The following NELL2 variants were observed in gnomAD, a reference collection of about 807,000 sequenced individuals.
NELL2 encodes neural EGFL like 2, also known as protein kinase C-binding protein NELL2.
NELL2 carries 41 observed loss-of-function variants against 109.6 expected under a neutral mutation model. The ratio of observed to expected loss-of-function variants is 0.37; its 90% CI spans 0.29 to 0.49. NELL2 has a LOEUF of 0.49. NELL2 is among the 20% of genes least tolerant of loss of function. The pLI, the probability that NELL2 is intolerant of heterozygous loss-of-function variation, is 0.98. For synonymous variants in NELL2, 355 were observed against 344.7 expected, an observed-to-expected ratio of 1.03 and a Z score of -0.33; for missense variants, 900 against 1,008.3, an observed-to-expected ratio of 0.89 and a Z score of 1.45.
rs12579610 is a variant in NELL2, at chr12:44,661,860, C to T, written c.1444+3624G>A. On this transcript the variant is annotated intron_variant, in intron 13 of 19. Coordinates refer to ENST00000429094, the MANE Select transcript of NELL2 (RefSeq NM_001145108.2). ...TTCCCTTTTCCATTTCTTTCCTTCT[C>T]TTCCCTTCCATATTTTTCTCTTCTC... 2.6e-5 allele frequency among the ~76,000 whole-genome samples: 4 copies of T among 151,902 alleles called. No individual in the cohort carries two copies. In the East Asian group the frequency reaches 5.8e-4, roughly 22 times the overall value.
At chr12:44,792,998 A>G (rs1395325875) in intron 3 of NELL2, among the ~76,000 whole-genome samples, 1 of 152,198 alleles carries the variant, frequency 6.6e-6, no homozygotes, top group African/African-American at 2.4e-5. Flanking sequence ...AGAAAATGTA[A>G]TACATCCATA....
intron 9 of NELL2, among the ~76,000 whole-genome samples, chr12:44,754,814 A>G (rs561906178): frequency 9.2e-5 from 14 of 152,330 alleles, no homozygotes; most frequent in African/African-American, 3.1e-4. Context: ...AAGTAAACAA[A>G]TCTATTCTCT....
intron 15 of NELL2, among the ~76,000 whole-genome samples, chr12:44,548,092 A>T (rs1308103734): frequency 1.3e-5 from 2 of 152,160 alleles, no homozygotes; most frequent in Admixed American, 6.5e-5. Flanking sequence ...CTTCTAGAAC[A>T]CAGCCTGGTA....
At chr12:44,748,290 C>T (rs1030104718) in intron 9 of NELL2, among the ~76,000 whole-genome samples, 13 of 152,056 alleles carry the variant, frequency 8.5e-5, no homozygotes, top group African/African-American at 3.1e-4. Flanking sequence ...ATGTACTCAA[C>T]AACAACAACA....
intron 13 of NELL2, among the ~76,000 whole-genome samples, chr12:44,611,426 G>A (rs563939812): frequency 1.3e-5 from 2 of 152,134 alleles, no homozygotes; most frequent in East Asian, 1.9e-4. Context: ...GGTGCCTGCC[G>A]TTAACACCTG....
intron 9 of NELL2, among the ~76,000 whole-genome samples, chr12:44,720,282 ACT>A (rs530461868): frequency 5.5e-4 from 83 of 152,236 alleles, no homozygotes; most frequent in Non-Finnish European, 8.4e-4. Context: ...TGCATAATAT[ACT>A]CTCAAGGTTT....
At position 44,741,129 on chromosome 12, in the gene NELL2, A is replaced by G. The variant is rs891205403; in HGVS notation, c.995-26388T>C. On this transcript the variant is annotated intron_variant, in intron 9 of 19. Coordinates refer to ENST00000429094, the MANE Select transcript of NELL2 (RefSeq NM_001145108.2). ...TCCTCCTATTCCTCCTCCTCAACGTACTCAATGTGATGACAATGAGAAAGG... is the reference window on the plus strand; with the variant it reads ...TCCTCCTATTCCTCCTCCTCAACGTGCTCAATGTGATGACAATGAGAAAGG... Among the ~76,000 whole-genome samples, 6 of 152,058 alleles carry G rather than the reference A, an allele frequency of 3.9e-5. No individual in the cohort carries two copies. The East Asian group carries it at 1.2e-3, about 29-fold the overall frequency.
rs1941641217 is a variant in NELL2 at position 44,523,684 on chromosome 12, G to T, written c.1805-200C>A. On this transcript the variant is annotated intron_variant, in intron 16 of 19. Coordinates refer to ENST00000429094, the MANE Select transcript of NELL2 (RefSeq NM_001145108.2). Reference sequence around the variant, plus strand: ...TTCACAGGAAAATATTATCATGTTTGATTTAAAAAATCAGGTAACCTTGGC... The same window carrying T: ...TTCACAGGAAAATATTATCATGTTTTATTTAAAAAATCAGGTAACCTTGGC... The T allele has an allele frequency of 1.4e-5, 8 of 561,650 alleles. No homozygotes were observed. The Middle Eastern group carries it at 2.8e-3, about 196-fold the overall frequency. The allele number at this position is 561,650 out of a possible 1,614,324, so 34.8% of individuals were successfully genotyped here. A position where few individuals can be genotyped will look rare whatever the true frequency, so the allele number is the denominator to read the frequency against.
intron 1 of NELL2, among the ~76,000 whole-genome samples, chr12:44,899,122 C>A (rs1945629801): frequency 1.3e-5 from 2 of 151,246 alleles, no homozygotes; most frequent in African/African-American, 2.4e-5. Flanking sequence ...TGTGAAAAGA[C>A]CAAACCTACA....
At chr12:44,880,110 A>AAC (rs1196297062), upstream of NELL2, among the ~76,000 whole-genome samples, 68 of 124,586 alleles carry the variant, frequency 5.5e-4, no homozygotes, top group African/African-American at 2.1e-3. Context: ...ATAGTCAAGA[A>AAC]ACATACACAC....
At chr12:44,644,974 T>C (rs1184815665) in intron 13 of NELL2, among the ~76,000 whole-genome samples, 3 of 151,744 alleles carry the variant, frequency 2.0e-5, no homozygotes, top group African/African-American at 7.3e-5. Context: ...ACTATTTAGA[T>C]AGAGGAGACA....
At chr12:44,581,806 A>C (rs1341160505) in intron 15 of NELL2, among the ~76,000 whole-genome samples, 2 of 152,194 alleles carry the variant, frequency 1.3e-5, no homozygotes, top group African/African-American at 2.4e-5. Flanking sequence ...TCTTAAAAAT[A>C]TATTGCAAGT....
chr12:44,652,645 G>A (rs1947343465), intron 13 of NELL2, among the ~76,000 whole-genome samples: 1 of 152,088 alleles, frequency 6.6e-6, no homozygotes, highest in Non-Finnish European at 1.5e-5. Flanking sequence ...ATACAGTTAT[G>A]GACAAGTCAA....
intron 15 of NELL2, among the ~76,000 whole-genome samples, chr12:44,561,196 A>T (rs1047969014): frequency 6.6e-6 from 1 of 152,182 alleles, no homozygotes; most frequent in African/African-American, 2.4e-5. Flanking sequence ...AATAAGAGCT[A>T]TTTATGACAA....
In NELL2 at chr12:44,779,679, G is replaced by T; in HGVS notation, c.590C>A (p.Ala197Glu). The change falls in exon 5 of 20, where the codon GCG becomes GAG. Residue 197 changes from alanine to glutamate, a missense_variant. By Grantham distance (107) the Ala-to-Glu change is moderately radical. Coordinates refer to ENST00000429094, the MANE Select transcript of NELL2 (RefSeq NM_001145108.2). Reference protein sequence around the residue: ...TTFWLGQRNNAHGYFKGIMQD... With the variant: ...TTFWLGQRNNEHGYFKGIMQD... ...AAAAGATACCTTAAAATATCCATGC[G>T]CATTATTTCTCTGTCCTAGCCAAAA... 1 of 1,612,916 alleles carries T rather than the reference G, an allele frequency of 6.2e-7. No homozygotes were observed. The highest frequency in any genetic ancestry group is 8.5e-7 in the Non-Finnish European group (1 of 1,179,074).
chr12:44,888,840 T>TA lies in NELL2; in HGVS notation c.39-12941dup, dbSNP rs557017618. 2.6e-3 allele frequency among the ~76,000 whole-genome samples: 382 copies of TA among 148,736 alleles called. 2 individuals are homozygous for TA. Among genetic ancestry groups the TA allele is most frequent in the African/African-American group, 5.9e-3 (238 of 40,556 alleles). On this transcript the variant is annotated intron_variant, in intron 1 of 20. Coordinates refer to the NELL2 transcript ENST00000333837. ...GAATCATGATACAACTGCCATAAAA[T>TA]AAAAAAAAAATAAATAAATAAATAA...
At chr12:44,550,123 CAAG>C (rs1592103477) in intron 15 of NELL2, among the ~76,000 whole-genome samples, 1 of 151,918 alleles carries the variant, frequency 6.6e-6, no homozygotes, top group East Asian at 1.9e-4. Flanking sequence ...ACAAGAGTGC[CAAG>C]AATACACAAT....
intron 1 of NELL2, among the ~76,000 whole-genome samples, chr12:44,908,964 A>C (rs1945749783): frequency 6.6e-6 from 1 of 151,984 alleles, no homozygotes; most frequent in South Asian, 2.1e-4. Context: ...GACCTTAAAA[A>C]ATACCTGTCA....
Position 44,544,275 on chromosome 12 carries a change from G to A in NELL2, c.1664-11554C>T, listed in dbSNP as rs571812889. On this transcript the variant is annotated intron_variant, in intron 15 of 19. Coordinates refer to ENST00000429094, the MANE Select transcript of NELL2 (RefSeq NM_001145108.2). ...GATAAATCTTCATCTATCATACCCA[G>A]CATTCTACTGATAATGTCTGAAATT... Among the ~76,000 whole-genome samples, 5 of 152,234 alleles carry A rather than the reference G, an allele frequency of 3.3e-5. No individual in the cohort carries two copies. In the South Asian group the frequency reaches 1.0e-3, roughly 32 times the overall value.
Sources: gnomAD v4.1 joint callset for allele counts (sites outside exome capture counted in the v4.1 genomes callset) on GRCh38, gnomAD v4.1.1 for gene constraint, MANE v1.5 for transcripts, NCBI Gene and HGNC (gene_info 2026-07-23, HGNC 2026-07-21) for gene names.